EFNA5: variants seen among roughly 807,000 people sequenced by gnomAD.
The protein encoded by EFNA5 is ephrin A5.
Under a neutral mutation model 22.9 loss-of-function variants are expected in EFNA5, and 5 were observed. The ratio of observed to expected loss-of-function variants is 0.22; its 90% confidence interval spans 0.11 to 0.46. The LOEUF (loss-of-function observed/expected upper bound fraction) is 0.46, where lower values mean the gene tolerates loss of function less well. Ranked by LOEUF, EFNA5 falls within the 20% of genes least tolerant of loss-of-function variation. The probability of loss-of-function intolerance (pLI) is 0.99; values close to 1 mark genes in which losing one functional copy is unlikely to be tolerated. For synonymous variants in EFNA5, 113 were observed against 112.2 expected, an observed-to-expected ratio of 1.01 and a Z score of -0.04; for missense variants, 237 against 293.3, an observed-to-expected ratio of 0.81 and a Z score of 1.40.
At chr5:107,483,344 A>G (rs1309894324) in intron 1 of EFNA5, among the ~76,000 whole-genome samples, 2 of 152,152 alleles carry the variant, frequency 1.3e-5, no homozygotes, top group Non-Finnish European at 2.9e-5. Context: ...TTATATTTAC[A>G]GTTTTCAACG....
intron 1 of EFNA5, among the ~76,000 whole-genome samples, chr5:107,484,216 G>GCC (rs1451028195): frequency 1.3e-5 from 2 of 152,126 alleles, no homozygotes; most frequent in Non-Finnish European, 2.9e-5. Context: ...AAGCTCAGGA[G>GCC]CCCTCTCTGC....
chr5:107,426,138 G>T (rs1398229318), intron 2 of EFNA5, among the ~76,000 whole-genome samples: 2 of 152,186 alleles, frequency 1.3e-5, no homozygotes, highest in East Asian at 1.9e-4. Context: ...TAAGAACAGG[G>T]AATATCTTTT....
chr5:107,638,864 G>A lies in EFNA5; in HGVS notation c.125+31625C>T, dbSNP rs73200645. On this transcript the variant is annotated intron_variant, in intron 1 of 4. Coordinates refer to ENST00000333274, the MANE Select transcript of EFNA5 (RefSeq NM_001962.3). ...TATACACACACAAAAAAATAAGTAT[G>A]TGAACTAATGCATATGTTAAATAGC... Among the ~76,000 whole-genome samples, 524 of 152,164 alleles carry A rather than the reference G, an allele frequency of 3.4e-3. 1 individual carries two copies. The highest frequency in any genetic ancestry group is 0.012 in the African/African-American group (497 of 41,536).
At chr5:107,503,182 G>A (rs1021392779) in intron 1 of EFNA5, among the ~76,000 whole-genome samples, 2 of 152,128 alleles carry the variant, frequency 1.3e-5, no homozygotes, top group Non-Finnish European at 2.9e-5. Context: ...CTACTATGCA[G>A]GATCGTTTCC....
chr5:107,458,227 T>G (rs1231402520), intron 1 of EFNA5, among the ~76,000 whole-genome samples: 1 of 152,200 alleles, frequency 6.6e-6, no homozygotes, highest in Non-Finnish European at 1.5e-5. Flanking sequence ...CAGTTTCATC[T>G]GATATGCCTT....
chr5:107,472,295 C>T (rs1165739797), intron 1 of EFNA5, among the ~76,000 whole-genome samples: 1 of 152,062 alleles, frequency 6.6e-6, no homozygotes, highest in African/African-American at 2.4e-5. Flanking sequence ...GTTACGATGG[C>T]GTCATCAAAT....
chr5:107,554,884 G>C (rs1291653349), intron 1 of EFNA5, among the ~76,000 whole-genome samples: 1 of 152,176 alleles, frequency 6.6e-6, no homozygotes, highest in Non-Finnish European at 1.5e-5. Context: ...TCTTTGGAGG[G>C]ACATTTACTA....
intron 1 of EFNA5, among the ~76,000 whole-genome samples, chr5:107,552,544 C>T (rs906544590): frequency 6.6e-6 from 1 of 152,182 alleles, no homozygotes; most frequent in Non-Finnish European, 1.5e-5. Context: ...ACCATTCTTA[C>T]CATTCCATTA....
intron 2 of EFNA5, among the ~76,000 whole-genome samples, chr5:107,402,705 T>C (rs558978028): frequency 4.6e-5 from 7 of 152,296 alleles, no homozygotes; most frequent in Non-Finnish European, 8.8e-5. Flanking sequence ...CTTATTTCAT[T>C]ACATTTATTA....
At chr5:107,606,995 T>A (rs1346125532) in intron 1 of EFNA5, among the ~76,000 whole-genome samples, 2 of 152,214 alleles carry the variant, frequency 1.3e-5, no homozygotes, top group Non-Finnish European at 2.9e-5. Flanking sequence ...TGTTTCTCTA[T>A]CCAATCTTTC....
chr5:107,496,231 G>C (rs559245944), intron 1 of EFNA5, among the ~76,000 whole-genome samples: 16 of 145,770 alleles, frequency 1.1e-4, no homozygotes, highest in African/African-American at 3.8e-4. Context: ...TGTAATCCCA[G>C]CTACTCGGAA....
chr5:107,475,964 C>T (rs570922395), intron 1 of EFNA5, among the ~76,000 whole-genome samples: 8 of 144,362 alleles, frequency 5.5e-5, no homozygotes, highest in South Asian at 2.2e-4. Flanking sequence ...TTTCACAGCA[C>T]GGCACCTGTT....
intron 1 of EFNA5, among the ~76,000 whole-genome samples, chr5:107,458,631 A>C (rs1421793871): frequency 6.6e-6 from 1 of 152,120 alleles, no homozygotes; most frequent in Non-Finnish European, 1.5e-5. Flanking sequence ...TTATAAAAAA[A>C]AATTGTGATA....
intron 1 of EFNA5, among the ~76,000 whole-genome samples, chr5:107,462,667 G>A (rs1010536418): frequency 3.9e-5 from 6 of 152,204 alleles, no homozygotes; most frequent in Non-Finnish European, 8.8e-5. Context: ...AAAACACCTG[G>A]CAAAATGTAA....
intron 4 of EFNA5, among the ~76,000 whole-genome samples, chr5:107,382,494 T>A (rs563099099): frequency 6.6e-6 from 1 of 152,272 alleles, no homozygotes; most frequent in African/African-American, 2.4e-5. Context: ...TGCCTCAACC[T>A]CCCGAGTAGC....
intron 1 of EFNA5, among the ~76,000 whole-genome samples, chr5:107,434,823 T>G (rs1749064007): frequency 6.6e-6 from 1 of 152,264 alleles, no homozygotes; most frequent in Non-Finnish European, 1.5e-5. Flanking sequence ...GATTATTACA[T>G]TTTAAATATA....
chr5:107,623,543 T>A (rs1300218587), intron 1 of EFNA5, among the ~76,000 whole-genome samples: 1 of 152,166 alleles, frequency 6.6e-6, no homozygotes, highest in East Asian at 1.9e-4. Flanking sequence ...AGCACACCAG[T>A]TCTAAGGACT....
intron 2 of EFNA5, among the ~76,000 whole-genome samples, chr5:107,421,957 A>G (rs1006510897): frequency 2.0e-5 from 3 of 151,912 alleles, no homozygotes; most frequent in Admixed American, 2.0e-4. Context: ...ACGCCCGTCT[A>G]ATTTTGCATT....
At chr5:107,572,834 A>C (rs1480659503) in intron 1 of EFNA5, among the ~76,000 whole-genome samples, 1 of 152,098 alleles carries the variant, frequency 6.6e-6, no homozygotes, top group Non-Finnish European at 1.5e-5. Context: ...GTCTTGCATA[A>C]GCATGCTGAT....
Sources: allele counts gnomAD v4.1 joint callset (sites outside exome capture counted in the v4.1 genomes callset), GRCh38; gene constraint gnomAD v4.1.1; transcripts MANE v1.5; gene names NCBI Gene and HGNC (gene_info 2026-07-23, HGNC 2026-07-21).